Variants in NR2E3 observed in about 807,000 individuals in gnomAD.
The protein encoded by NR2E3 is photoreceptor-specific nuclear receptor.
In NR2E3, 38 loss-of-function variants were observed where a neutral mutation model predicts 37.6. The observed-to-expected ratio is 1.01, with a 90% CI of 0.78 to 1.33. The LOEUF is 1.33. Ranked by LOEUF, NR2E3 falls within the 40% of genes most tolerant of loss-of-function variation. NR2E3 has a pLI of 0.00. For synonymous variants in NR2E3, 235 were observed against 225.1 expected (o/e 1.04, Z -0.39); for missense variants, 562 against 558.7 (o/e 1.01, Z -0.06).
rs747177818 is a variant in NR2E3, at chr15:71,813,050, T to A, written c.748-339T>A. ...CCCTCAGCCAGTCTGTGTGCTGGGG[T>A]GGAGCAACTCAGAAGAGTCAGGCCA... is the stretch of plus-strand genomic sequence containing the variant. On this transcript the variant is annotated intron_variant, in intron 5 of 7. Coordinates refer to ENST00000617575, the MANE Select transcript of NR2E3 (RefSeq NM_014249.4). The surrounding 1 kb of genome is among the most constrained non-coding windows in gnomAD (Gnocchi z 4.7). Among the ~76,000 whole-genome samples, 13 of 151,872 alleles carry A rather than the reference T, an allele frequency of 8.6e-5. No individual in the cohort carries two copies. The highest frequency in any genetic ancestry group is 1.6e-4 in the Non-Finnish European group (11 of 67,952).
chr15:71,812,075 C>G lies in NR2E3; in HGVS notation c.470C>G (p.Pro157Arg). 6.4e-7 allele frequency: 1 copy of G among 1,553,176 alleles called. No individual in the cohort carries two copies. The change falls in exon 4 of 8, where the codon CCA becomes CGA. Residue 157 changes from proline (P) to arginine (R), a missense_variant. By Grantham distance (103) the Pro-to-Arg change is moderately radical. Transcript: ENST00000617575. ...CCCCCGGCCCCGGCAGGGCGCAGCC[C>G]ACGGGGCCCCACACCCATGTCTGCA... The part of the protein sequence containing the change: ...VAPPAPAGRS[P>R]RGPTPMSAAR...
intron 1 of NR2E3, 111 bp downstream of exon 1, chr15:71,810,972 G>T: frequency 8.4e-7 from 1 of 1,192,296 alleles, no homozygotes; most frequent in Non-Finnish European, 1.1e-6. Flanking sequence ...ACCCAGCCCC[G>T]CCGGCTGTGG....
At chr15:71,814,218 G>C in intron 7 of NR2E3, 101 bp downstream of exon 7, 2 of 1,487,460 alleles carry the variant, frequency 1.3e-6, no homozygotes, top group Admixed American at 2.1e-5. Flanking sequence ...ACAGCACAAG[G>C]GTCTCAGTTC....
In NR2E3 at chr15:71,811,764, A is replaced by T. The variant is rs2054183469; in HGVS notation, c.246-2A>T. ...CCCCTGGGGTCTCCTCTTCACCTGC[A>T]GGTGCCAGGTGGGGGCAGGGATGTG... On this transcript the variant is annotated splice_acceptor_variant, in intron 2 of 7. Transcript: ENST00000617575. LOFTEE classifies it high-confidence loss of function. The surrounding 1 kb of genome is among the most constrained non-coding windows in gnomAD (Gnocchi z 5.6). 1 of 1,549,398 alleles carries T rather than the reference A, an allele frequency of 6.5e-7. No homozygotes were observed. Among genetic ancestry groups the T allele is most frequent in the Non-Finnish European group, 8.7e-7 (1 of 1,145,600 alleles).
Position 71,811,678 on chromosome 15 carries a change from G to T in NR2E3, c.245+69G>T. The T allele has an allele frequency of 6.4e-7, 1 of 1,565,402 alleles. No homozygotes were observed. The highest frequency in any genetic ancestry group is 2.4e-5 in the East Asian group (1 of 42,196). ...CTGGAGGGGTGAGGGGGTGCTCAGG[G>T]GAAGAGGGGCTTGGGCAAAAATGTC... On this transcript the variant is annotated intron_variant, in intron 2 of 7. Transcript: ENST00000617575. This position sits in a 1 kb window ranked among gnomAD's most constrained non-coding sequence, Gnocchi z 5.6.
At chr15:71,816,057 C>T (rs1188990707) in intron 7 of NR2E3, among the ~76,000 whole-genome samples, 2 of 152,076 alleles carry the variant, frequency 1.3e-5, no homozygotes, top group African/African-American at 4.8e-5. Flanking sequence ...GCAAGTCCAG[C>T]AGATCACTGA....
intron 7 of NR2E3, among the ~76,000 whole-genome samples, chr15:71,815,551 G>A (rs1197555514): frequency 1.3e-5 from 2 of 152,160 alleles, no homozygotes; most frequent in Non-Finnish European, 2.9e-5. Context: ...TTGGTTATGC[G>A]TCAAATTTCA....
Position 71,818,098 on chromosome 15 carries a change from AGG to A in NR2E3, c.*418_*419del, listed in dbSNP as rs2054241833. On this transcript the variant is annotated 3_prime_UTR_variant, in exon 8 of 8. Coordinates refer to ENST00000617575, the MANE Select transcript of NR2E3 (RefSeq NM_014249.4). ...TCTGGGTGGTGGGGGATTGATACAG[AGG>A]GGGCTCATGGGAGCCCTCTGGTGTA... is the stretch of plus-strand genomic sequence containing the variant. 1 of 157,498 alleles carries A rather than the reference AGG, an allele frequency of 6.3e-6. No homozygotes were observed. Among genetic ancestry groups the A allele is most frequent in the Non-Finnish European group, 1.4e-5 (1 of 71,044 alleles). The allele number at this position is 157,498 out of a possible 1,614,324, so 9.8% of individuals were successfully genotyped here.
Position 71,813,615 on chromosome 15 carries a change from C to T in NR2E3, c.974C>T (p.Ala325Val), listed in dbSNP as rs2140291327. 6.2e-7 allele frequency: 1 copy of T among 1,613,892 alleles called. No individual in the cohort carries two copies. The highest frequency in any genetic ancestry group is 2.2e-5 in the East Asian group (1 of 44,884). Residue 325 changes from alanine to valine, a missense_variant, in exon 6 of 8, where the codon GCC becomes GTC. Transcript: ENST00000617575. This position sits in a 1 kb window ranked among gnomAD's most constrained non-coding sequence, Gnocchi z 4.7. ...VDPTEFACMK[A>V]LVLFKPETRG... ...CCCACGGAGTTTGCCTGCATGAAGG[C>T]CTTGGTCCTCTTCAAGCCAGGTAAC...
At position 71,812,141 on chromosome 15, in the gene NR2E3, C is replaced by A; in HGVS notation, c.536C>A (p.Thr179Lys). The stretch of plus-strand genomic sequence containing the variant: ...CACCACTTCATGGCCAGCCTTATAA[C>A]AGCTGAAACCTGTGCTAAGCTGGAG... ...LGHHFMASLI[T>K]AETCAKLEPE... Residue 179 changes from threonine to lysine, a missense_variant, in exon 4 of 8, where the codon ACA (threonine) becomes AAA (lysine). Coordinates refer to ENST00000617575, the MANE Select transcript of NR2E3 (RefSeq NM_014249.4). 1 of 1,566,212 alleles carries A rather than the reference C, an allele frequency of 6.4e-7. No homozygotes were observed.
rs2054185297 is a variant in NR2E3, at chr15:71,811,885, G to A, written c.349+16G>A. ...AACCAGGACGGTGAGGCGGGGGCTGGCCCGGGGGGAGGTGACAAGAAATGG... is the reference window on the plus strand; with the variant it reads ...AACCAGGACGGTGAGGCGGGGGCTGACCCGGGGGGAGGTGACAAGAAATGG... On this transcript the variant is annotated intron_variant, in intron 3 of 7. Coordinates refer to ENST00000617575, the MANE Select transcript of NR2E3 (RefSeq NM_014249.4). The surrounding 1 kb of genome is among the most constrained non-coding windows in gnomAD (Gnocchi z 5.6). The A allele has an allele frequency of 6.5e-7, 1 of 1,550,382 alleles. No individual in the cohort carries two copies. Among genetic ancestry groups the A allele is most frequent in the African/African-American group, 1.4e-5 (1 of 73,028 alleles).
In NR2E3 at chr15:71,811,884, G is replaced by A. The variant is rs1157654626; in HGVS notation, c.349+15G>A. ...GAACCAGGACGGTGAGGCGGGGGCT[G>A]GCCCGGGGGGAGGTGACAAGAAATG... is the stretch of plus-strand genomic sequence containing the variant. On this transcript the variant is annotated intron_variant, in intron 3 of 7. Transcript: ENST00000617575. The surrounding 1 kb of genome is among the most constrained non-coding windows in gnomAD (Gnocchi z 5.6). 1.2e-5 allele frequency: 19 copies of A among 1,550,388 alleles called. No homozygotes were observed. The highest frequency in any genetic ancestry group is 1.6e-5 in the Non-Finnish European group (18 of 1,146,686).
At chr15:71,814,311 GC>G (rs1474890210) in intron 7 of NR2E3, 194 bp downstream of exon 7, 2 of 1,383,180 alleles carry the variant, frequency 1.4e-6, no homozygotes, top group African/African-American at 2.9e-5. Flanking sequence ...ATAAGACAAA[GC>G]TACTGCCTTC....
intron 5 of NR2E3, 84 bp downstream of exon 5, chr15:71,812,595 T>G: frequency 8.4e-7 from 1 of 1,195,810 alleles, no homozygotes; most frequent in East Asian, 2.6e-5. Flanking sequence ...GGCACACACA[T>G]CCCCACGCCA....
Position 71,817,738 on chromosome 15 carries a change from G to T in NR2E3, c.*54G>T, listed in dbSNP as rs1007200933. On this transcript the variant is annotated 3_prime_UTR_variant, in exon 8 of 8. Transcript: ENST00000617575. Reference sequence around the variant, plus strand: ...ACTCTGGAAAACAATCTACTGAAACGAAACATTTGCCTACTCTTTGCCCCA... The same window carrying T: ...ACTCTGGAAAACAATCTACTGAAACTAAACATTTGCCTACTCTTTGCCCCA... The T allele has an allele frequency of 1.3e-6, 2 of 1,514,900 alleles. No homozygotes were observed. The highest frequency in any genetic ancestry group is 2.7e-5 in the African/African-American group (2 of 72,934). The allele number at this position is 1,514,900 out of a possible 1,614,324, so 93.8% of individuals were successfully genotyped here.
chr15:71,816,289 C>A (rs2054225476), intron 7 of NR2E3, among the ~76,000 whole-genome samples: 1 of 133,656 alleles, frequency 7.5e-6, no homozygotes, highest in East Asian at 2.3e-4. Flanking sequence ...GAGACGGAGT[C>A]TCTCTCTGTC....
chr15:71,814,037 G>A lies in NR2E3; in HGVS notation c.1020G>A (p.Glu340=), dbSNP rs2140291719. ...AGACGCGGGGCCTGAAGGATCCTGA[G>A]CACGTAGAGGCCTTGCAGGACCAGT... ...KPETRGLKDP[E]HVEALQDQSQ... The change falls in exon 7 of 8, where the codon GAG becomes GAA. Residue 340 remains glutamate, a synonymous_variant. Coordinates refer to ENST00000617575, the MANE Select transcript of NR2E3 (RefSeq NM_014249.4). 4 of 1,612,650 alleles carry A rather than the reference G, an allele frequency of 2.5e-6. No individual in the cohort carries two copies. Among genetic ancestry groups the A allele is most frequent in the East Asian group, 4.5e-5 (2 of 44,872 alleles).
At chr15:71,816,300 A>G (rs532995933) in intron 7 of NR2E3, among the ~76,000 whole-genome samples, 10 of 131,938 alleles carry the variant, frequency 7.6e-5, no homozygotes, top group Non-Finnish European at 1.2e-4. Flanking sequence ...TCTCTCTGTC[A>G]CCCAGGCTGG....
rs1595955746 is a variant in NR2E3 at position 71,811,406 on chromosome 15, C to T, written c.119-77C>T. ...GGGGCCTGAGGACTGGGAAAGGGAC[C>T]CGAGGGAAGGAGGGGAGCGTGCAGC... On this transcript the variant is annotated intron_variant, in intron 1 of 7. Transcript: ENST00000617575. The surrounding 1 kb of genome is among the most constrained non-coding windows in gnomAD (Gnocchi z 5.6). 6 of 1,380,278 alleles carry T rather than the reference C, an allele frequency of 4.3e-6. No individual in the cohort carries two copies. In the East Asian group the frequency reaches 1.5e-4, roughly 35 times the overall value. The allele number at this position is 1,380,278 out of a possible 1,614,324, so 85.5% of individuals were successfully genotyped here. A position where few individuals can be genotyped will look rare whatever the true frequency, so the allele number is the denominator to read the frequency against.
Sources: allele counts gnomAD v4.1 joint callset (sites outside exome capture counted in the v4.1 genomes callset), GRCh38; gene constraint gnomAD v4.1.1; non-coding constraint Gnocchi (gnomAD v3.1); transcripts MANE v1.5; gene names NCBI Gene and HGNC (gene_info 2026-07-23, HGNC 2026-07-21).